SUPT16H: variants seen among roughly 807,000 people sequenced by gnomAD.
The protein encoded by SUPT16H is SPT16 homolog, facilitates chromatin remodeling subunit.
Under a neutral mutation model 136.2 loss-of-function variants are expected in SUPT16H, and 24 were observed. The observed-to-expected ratio is 0.18, with a 90% CI of 0.13 to 0.25. SUPT16H has a LOEUF of 0.25. SUPT16H is among the 10% of genes least tolerant of loss of function. SUPT16H has a pLI of 1.00. For missense variants in SUPT16H, 623 were observed against 1,270.2 expected (o/e 0.49, Z 7.74); for synonymous variants, 415 against 428.2 (o/e 0.97, Z 0.38).
chr14:21,383,119 T>C (rs1044367826), intron 1 of SUPT16H: 4 of 153,620 alleles, frequency 2.6e-5, no homozygotes, highest in African/African-American at 9.6e-5. Flanking sequence ...ATCATAAAAA[T>C]AAGTTTTAAC....
rs369507541 is a variant in SUPT16H, at chr14:21,374,295, G to A, written c.67-865C>T. On this transcript the variant is annotated intron_variant, in intron 1 of 25. Coordinates refer to ENST00000216297, the MANE Select transcript of SUPT16H (RefSeq NM_007192.4). Reference sequence around the variant, plus strand: ...GCCATGGTAGTTTTTGTCCTTGTAGGTTTTGTCAACCTCAATACCAATGTC... The same window carrying A: ...GCCATGGTAGTTTTTGTCCTTGTAGATTTTGTCAACCTCAATACCAATGTC... Among the ~76,000 whole-genome samples, 11 of 152,378 alleles carry A rather than the reference G, an allele frequency of 7.2e-5. No homozygotes were observed. The East Asian group carries it at 1.2e-3, about 16-fold the overall frequency.
intron 19 of SUPT16H, among the ~76,000 whole-genome samples, chr14:21,358,744 G>A (rs111724186): frequency 6.6e-6 from 1 of 152,164 alleles, no homozygotes; most frequent in South Asian, 2.1e-4. Context: ...CTAAACTCTT[G>A]TAATACCCTA....
intron 3 of SUPT16H, among the ~76,000 whole-genome samples, chr14:21,370,788 T>C (rs1259737194): frequency 1.3e-5 from 2 of 151,336 alleles, no homozygotes; most frequent in Non-Finnish European, 2.9e-5. Context: ...TAAATTTTTT[T>C]TTTTTTTTGA....
chr14:21,371,836 T>C, intron 3 of SUPT16H, 38 bp downstream of exon 3: 1 of 1,607,166 alleles, frequency 6.2e-7, no homozygotes, highest in Non-Finnish European at 8.5e-7. Flanking sequence ...TTTTGAAGAT[T>C]CTTCCACATT....
chr14:21,366,560 G>A (rs752488804), intron 7 of SUPT16H, 31 bp from the exon 8 acceptor site: 2 of 1,583,904 alleles, frequency 1.3e-6, no homozygotes, highest in Non-Finnish European at 1.7e-6. Context: ...AGATATTAAA[G>A]TATCTTTTAG....
chr14:21,378,174 T>G (rs553266773), intron 1 of SUPT16H, among the ~76,000 whole-genome samples: 74 of 146,214 alleles, frequency 5.1e-4, no homozygotes, highest in African/African-American at 1.7e-3. Context: ...ATGTGGGGGG[T>G]GGAAGTGGGG....
At position 21,370,408 on chromosome 14, in the gene SUPT16H, G is replaced by A. The variant is rs763999934; in HGVS notation, c.411C>T (p.Phe137=). Residue 137 remains phenylalanine, a synonymous_variant, in exon 4 of 26, where the codon TTC becomes TTT. Coordinates refer to ENST00000216297, the MANE Select transcript of SUPT16H (RefSeq NM_007192.4). ...ESKNGKKIGV[F]SKDKFPGEFM... is the part of the protein sequence containing the mutation. Reference sequence around the variant, plus strand: ...ACTCTCCAGGGAATTTGTCTTTGCTGAACACTCCAATCTTCTTGCCATTCT... The same window carrying A: ...ACTCTCCAGGGAATTTGTCTTTGCTAAACACTCCAATCTTCTTGCCATTCT... 3 of 1,613,722 alleles carry A rather than the reference G, an allele frequency of 1.9e-6. No homozygotes were observed. The Admixed American group carries it at 5.0e-5, about 27-fold the overall frequency.
intron 19 of SUPT16H, among the ~76,000 whole-genome samples, 176 bp downstream of exon 19, chr14:21,359,308 T>C (rs1886501490): frequency 6.6e-6 from 1 of 151,260 alleles, no homozygotes; most frequent in African/African-American, 2.4e-5. Context: ...TTGGCCAGGC[T>C]GGTCTCGAAC....
At chr14:21,370,626 T>G in intron 3 of SUPT16H, 138 bp from the exon 4 acceptor site, 1 of 907,360 alleles carries the variant, frequency 1.1e-6, no homozygotes, top group Non-Finnish European at 1.6e-6. Context: ...TTTTTACTTT[T>G]AAAGAGACAG....
chr14:21,372,509 G>T, intron 2 of SUPT16H: 3 of 318,514 alleles, frequency 9.4e-6, no homozygotes, highest in South Asian at 2.6e-5. Context: ...TCAAATTTTG[G>T]CCAATAGGTA....
At chr14:21,380,404 G>C (rs958057211) in intron 1 of SUPT16H, among the ~76,000 whole-genome samples, 7 of 150,176 alleles carry the variant, frequency 4.7e-5, no homozygotes, top group African/African-American at 1.7e-4. Context: ...TGGAGTAGCT[G>C]GGATTATACA....
At chr14:21,353,942 C>A in intron 23 of SUPT16H, 110 bp from the exon 24 acceptor site, 1 of 1,028,022 alleles carries the variant, frequency 9.7e-7, no homozygotes, top group Non-Finnish European at 1.4e-6. Context: ...AAAACAAGAG[C>A]AAAATAATCT....
Position 21,364,936 on chromosome 14 carries a change from A to G in SUPT16H, c.1124T>C (p.Met375Thr), listed in dbSNP as rs749733101. The change falls in exon 10 of 26, where the codon ATG becomes ACG. Residue 375 changes from methionine to threonine, a missense_variant. By Grantham distance (81) the Met-to-Thr change is moderately conservative (BLOSUM62 -1). Coordinates refer to ENST00000216297, the MANE Select transcript of SUPT16H (RefSeq NM_007192.4). ...GAATCCTAAATTGATGCTGAAAACC[A>G]TTCCTAAAACAGCAAAACAAGGATC... is the stretch of plus-strand genomic sequence containing the variant. ...SKNQYKLKKG[M>T]VFSINLGFSD... 5 of 1,614,006 alleles carry G rather than the reference A, an allele frequency of 3.1e-6. No individual in the cohort carries two copies. In the South Asian group the frequency reaches 4.4e-5, roughly 14 times the overall value.
At chr14:21,366,658 T>TTTTG in intron 7 of SUPT16H, 129 bp from the exon 8 acceptor site, 1 of 776,562 alleles carries the variant, frequency 1.3e-6, no homozygotes, top group Non-Finnish European at 2.1e-6. Flanking sequence ...TCCACTCACT[T>TTTTG]TTTTTTTTTG....
intron 1 of SUPT16H, among the ~76,000 whole-genome samples, chr14:21,382,734 A>T (rs1399661414): frequency 6.6e-6 from 1 of 152,234 alleles, no homozygotes; most frequent in Non-Finnish European, 1.5e-5. Context: ...ATTAAAAAAA[A>T]TAAAATGTTC....
chr14:21,370,232 C>T (rs987928747), intron 4 of SUPT16H, 104 bp downstream of exon 4: 4 of 1,387,846 alleles, frequency 2.9e-6, no homozygotes, highest in Admixed American at 4.5e-5. Context: ...TGTAAACAAA[C>T]ATACAGTTTT....
In SUPT16H at chr14:21,363,424, T is replaced by C. The variant is rs746101641; in HGVS notation, c.1299+14A>G. The C allele has an allele frequency of 2.5e-5, 41 of 1,613,268 alleles. No homozygotes were observed. Among genetic ancestry groups the C allele is most frequent in the Non-Finnish European group, 3.4e-5 (40 of 1,179,390 alleles). ...TCCTAAACTTCCTATACTACTTATC[T>C]ATCTTCTTCCTACCTTTAGGAAAAT... On this transcript the variant is annotated intron_variant, in intron 11 of 25. Transcript: ENST00000216297.
intron 6 of SUPT16H, 87 bp from the exon 7 acceptor site, chr14:21,368,528 A>C (rs1594305341): frequency 7.3e-7 from 1 of 1,377,226 alleles, no homozygotes; most frequent in East Asian, 2.6e-5. Flanking sequence ...AATAATCATT[A>C]CTTTTCCCTG....
intron 7 of SUPT16H, among the ~76,000 whole-genome samples, chr14:21,367,862 G>A (rs1479282619): frequency 1.3e-5 from 2 of 152,176 alleles, no homozygotes; most frequent in Admixed American, 6.5e-5. Flanking sequence ...TTTTTAATAT[G>A]AGAGCCTCAG....
Sources: allele counts gnomAD v4.1 joint callset (sites outside exome capture counted in the v4.1 genomes callset), GRCh38; gene constraint gnomAD v4.1.1; transcripts MANE v1.5; gene names NCBI Gene and HGNC (gene_info 2026-07-23, HGNC 2026-07-21).